Variants in SSH1 observed in about 807,000 individuals in gnomAD.
SSH1 encodes the protein protein phosphatase Slingshot homolog 1.
SSH1 carries 43 observed loss-of-function variants against 79.7 expected under a neutral mutation model. The ratio of observed to expected loss-of-function variants is 0.54; its 90% CI spans 0.42 to 0.70. SSH1 has a LOEUF of 0.70. Among genes scored for constraint, SSH1 ranks in the 30% least tolerant of loss-of-function variants. The probability of loss-of-function intolerance (pLI) is 0.00; values close to 1 mark genes in which losing one functional copy is unlikely to be tolerated. For synonymous variants in SSH1, 599 were observed against 538.3 expected (o/e 1.11, Z -1.56); for missense variants, 1,206 against 1,358.8 (o/e 0.89, Z 1.77).
chr12:108,803,393 A>T (rs2137050530), intron 10 of SSH1, among the ~76,000 whole-genome samples: 1 of 152,048 alleles, frequency 6.6e-6, no homozygotes, highest in Middle Eastern at 3.4e-3. Context: ...AAAAATGATC[A>T]CTTTCCTCTT....
rs2036327765 is a variant in SSH1, at chr12:108,787,839, CCTCT to C, written c.*145_*148del. 1 of 1,021,658 alleles carries C rather than the reference CCTCT, an allele frequency of 9.8e-7. No homozygotes were observed. The highest frequency in any genetic ancestry group is 3.0e-4 in the Middle Eastern group (1 of 3,284). 63.3% of individuals were successfully genotyped at this position (1,021,658 alleles called of 1,614,324 possible). Reference sequence around the variant, plus strand: ...TGCATGTTGGTTAGTTTCTTCTCCTCCTCTCTATGGCAAGAGTAGGGGAAAAGTT... The same window carrying C: ...TGCATGTTGGTTAGTTTCTTCTCCTCCTATGGCAAGAGTAGGGGAAAAGTT... On this transcript the variant is annotated 3_prime_UTR_variant, in exon 15 of 15. Transcript: ENST00000326495.
rs1260398615 is a variant in SSH1 at position 108,779,153 on chromosome 12, T to C, written c.*8835A>G. 3 of 151,818 alleles carry C rather than the reference T, an allele frequency of 2.0e-5. No homozygotes were observed. Among genetic ancestry groups the C allele is most frequent in the Non-Finnish European group, 4.4e-5 (3 of 67,984 alleles). 9.4% of individuals were successfully genotyped at this position (151,818 alleles called of 1,614,324 possible). ...GAGCATCCTCTCCTAGGCTGGGAGG[T>C]TGCTAATGTAAATGCCACACTGTAT... On this transcript the variant is annotated 3_prime_UTR_variant, in exon 15 of 15. Coordinates refer to ENST00000326495, the MANE Select transcript of SSH1 (RefSeq NM_018984.4).
intron 1 of SSH1, among the ~76,000 whole-genome samples, chr12:108,855,069 A>G (rs2039117710): frequency 1.3e-5 from 2 of 152,216 alleles, no homozygotes; most frequent in African/African-American, 4.8e-5. Flanking sequence ...AATGCTTTAT[A>G]TAATAATTGA....
Position 108,783,824 on chromosome 12 carries a change from G to A in SSH1, c.*4164C>T, listed in dbSNP as rs2036196060. The A allele has an allele frequency of 6.6e-6, 1 of 152,282 alleles. No individual in the cohort carries two copies. Among genetic ancestry groups the A allele is most frequent in the African/African-American group, 2.4e-5 (1 of 41,440 alleles). The allele number at this position is 152,282 out of a possible 1,614,324, so 9.4% of individuals were successfully genotyped here. A position where few individuals can be genotyped will look rare whatever the true frequency, so the allele number is the denominator to read the frequency against. ...TAACAAAACAAGTGGCTGGGGACAG[G>A]GGTCATTCAACAACCTTCATTTGGT... On this transcript the variant is annotated 3_prime_UTR_variant, in exon 15 of 15. Coordinates refer to ENST00000326495, the MANE Select transcript of SSH1 (RefSeq NM_018984.4).
At chr12:108,812,668 C>T (rs1373037147) in intron 5 of SSH1, among the ~76,000 whole-genome samples, 1 of 152,206 alleles carries the variant, frequency 6.6e-6, no homozygotes, top group Non-Finnish European at 1.5e-5. Flanking sequence ...AGAGGCTCAG[C>T]CCACAGGGGA....
rs529542851 is a variant in SSH1, at chr12:108,787,755, C to A, written c.*233G>T. 4.3e-5 allele frequency: 25 copies of A among 584,096 alleles called. No homozygotes were observed. Among genetic ancestry groups the A allele is most frequent in the Non-Finnish European group, 7.5e-5 (25 of 331,766 alleles). The allele number at this position is 584,096 out of a possible 1,614,324, so 36.2% of individuals were successfully genotyped here. On this transcript the variant is annotated 3_prime_UTR_variant, in exon 15 of 15. Transcript: ENST00000326495. ...ACGGTGGGAGCGGAGTTTTGTGTCT[C>A]CTGGCCGGCGGCTCCTGGTTCTCCC...
At position 108,788,609 on chromosome 12, in the gene SSH1, G is replaced by A. The variant is rs1477654653; in HGVS notation, c.2529C>T (p.Ser843=). 19 of 1,609,412 alleles carry A rather than the reference G, an allele frequency of 1.2e-5. No individual in the cohort carries two copies. The highest frequency in any genetic ancestry group is 1.7e-5 in the Admixed American group (1 of 59,908). Residue 843 remains serine (S), a synonymous_variant, in exon 15 of 15, where the codon TCC becomes TCT. Transcript: ENST00000326495. ...CCAGCCTGCTGGCAGGGCCATCCCT[G>A]GAGGGAGGTGCTGGGTCTGCAGGCA... The part of the protein sequence containing the change: ...KSVPADPAPP[S]RDGPASRLEA...
chr12:108,792,404 C>T lies in SSH1; in HGVS notation c.1775G>A (p.Arg592Lys). The T allele has an allele frequency of 6.2e-7, 1 of 1,614,196 alleles. No homozygotes were observed. The highest frequency in any genetic ancestry group is 8.5e-7 in the Non-Finnish European group (1 of 1,180,036). ...CCTCCCTGCTCCCAGGCCCTCCTCC[C>T]TTTCCGTCTCCTCCACCTGCAGCAA... The part of the protein sequence containing the change: ...GSLLQVEETE[R>K]EEGLGAGRWG... The change falls in exon 14 of 15, where the codon AGG becomes AAG. Residue 592 changes from arginine to lysine, a missense_variant. By Grantham distance (26) the Arg-to-Lys change is conservative (BLOSUM62 2). Around this residue, in one of 5 missense-constraint regions of SSH1, gnomAD observed 709 missense variants for 730.6 expected, o/e 0.97. Coordinates refer to ENST00000326495, the MANE Select transcript of SSH1 (RefSeq NM_018984.4).
chr12:108,799,494 T>C (rs1308907533), intron 12 of SSH1, among the ~76,000 whole-genome samples: 2 of 152,202 alleles, frequency 1.3e-5, no homozygotes, highest in Non-Finnish European at 2.9e-5. Context: ...AATATTTGGC[T>C]GCCTTCAGGG....
At chr12:108,803,067 AG>A (rs2037093524) in intron 10 of SSH1, among the ~76,000 whole-genome samples, 1 of 152,182 alleles carries the variant, frequency 6.6e-6, no homozygotes, top group African/African-American at 2.4e-5. Flanking sequence ...AAATTTTAAG[AG>A]AGGAGGATAC....
At chr12:108,794,335 A>G (rs1159482180) in intron 13 of SSH1, among the ~76,000 whole-genome samples, 1 of 152,164 alleles carries the variant, frequency 6.6e-6, no homozygotes, top group Non-Finnish European at 1.5e-5. Flanking sequence ...CGTGTGGGTG[A>G]CAGAACCGCA....
intron 3 of SSH1, among the ~76,000 whole-genome samples, chr12:108,819,390 A>G (rs550595690): frequency 1.3e-5 from 2 of 152,358 alleles, no homozygotes; most frequent in South Asian, 4.1e-4. Flanking sequence ...GAAGAAGCGC[A>G]CACTTTCACG....
rs2036244114 is a variant in SSH1, at chr12:108,785,384, A to C, written c.*2604T>G. ...TGATCCGCCTGCCTCGGCCTCCCAA[A>C]GTGCTAGGATTACAGGCGTGAGCCA... On this transcript the variant is annotated 3_prime_UTR_variant, in exon 15 of 15. Coordinates refer to ENST00000326495, the MANE Select transcript of SSH1 (RefSeq NM_018984.4). 1 of 152,280 alleles carries C rather than the reference A, an allele frequency of 6.6e-6. No individual in the cohort carries two copies. The highest frequency in any genetic ancestry group is 1.5e-5 in the Non-Finnish European group (1 of 68,104). The allele number at this position is 152,280 out of a possible 1,614,324, so 9.4% of individuals were successfully genotyped here. A position where few individuals can be genotyped will look rare whatever the true frequency, so the allele number is the denominator to read the frequency against.
chr12:108,852,983 C>A, intron 1 of SSH1: 1 of 985,414 alleles, frequency 1.0e-6, no homozygotes, highest in Non-Finnish European at 1.2e-6. Context: ...TAGCCCTCAG[C>A]CCTCAACTTT....
At position 108,857,507 on chromosome 12, in the gene SSH1, C is replaced by T. The variant is rs2039169161; in HGVS notation, c.-11G>A. On this transcript the variant is annotated 5_prime_UTR_variant, in exon 1 of 15. Coordinates refer to ENST00000326495, the MANE Select transcript of SSH1 (RefSeq NM_018984.4). The surrounding 1 kb of genome is among the most constrained non-coding windows in gnomAD (Gnocchi z 4.7). ...GGTCACCAGGGCCATGGCTGCGGCG[C>T]GGTGCGAGGGCGCCACAGACGTCTC... 2 of 1,131,042 alleles carry T rather than the reference C, an allele frequency of 1.8e-6. No individual in the cohort carries two copies. The highest frequency in any genetic ancestry group is 3.3e-5 in the Admixed American group (1 of 30,222). 70.1% of individuals were successfully genotyped at this position (1,131,042 alleles called of 1,614,324 possible). A position where few individuals can be genotyped will look rare whatever the true frequency, so the allele number is the denominator to read the frequency against.
At chr12:108,794,716 T>C (rs1392529717) in intron 13 of SSH1, among the ~76,000 whole-genome samples, 2 of 152,128 alleles carry the variant, frequency 1.3e-5, no homozygotes, top group African/African-American at 2.4e-5. Context: ...CTAAATAAGA[T>C]GGCTACGAAG....
intron 10 of SSH1, among the ~76,000 whole-genome samples, chr12:108,804,026 T>C (rs1430237133): frequency 6.6e-6 from 1 of 152,168 alleles, no homozygotes; most frequent in East Asian, 1.9e-4. Flanking sequence ...TGGTTACCAT[T>C]AGTTAGCACC....
At chr12:108,808,729 T>C (rs913195348) in intron 7 of SSH1, among the ~76,000 whole-genome samples, 5 of 152,006 alleles carry the variant, frequency 3.3e-5, no homozygotes, top group African/African-American at 7.2e-5. Context: ...TAGAAAGTCA[T>C]TTTAATATAG....
intron 13 of SSH1, 127 bp from the exon 14 acceptor site, chr12:108,792,956 T>C: frequency 9.1e-7 from 1 of 1,103,082 alleles, no homozygotes; most frequent in Non-Finnish European, 1.3e-6. Context: ...CCATGGCTCA[T>C]TCAGGTAAAG....
Sources: allele counts gnomAD v4.1 joint callset (sites outside exome capture counted in the v4.1 genomes callset), GRCh38; gene constraint gnomAD v4.1.1; regional missense constraint gnomAD v4.1.1; non-coding constraint Gnocchi (gnomAD v3.1); transcripts MANE v1.5; gene names NCBI Gene and HGNC (gene_info 2026-07-23, HGNC 2026-07-21).